The following PTGIR variants were observed in gnomAD, a reference collection of about 807,000 sequenced individuals.
The protein encoded by PTGIR is prostacyclin receptor.
A neutral mutation model predicts 17.6 loss-of-function variants in PTGIR; 16 were observed. The ratio of observed to expected loss-of-function variants is 0.91; its 90% CI spans 0.61 to 1.38. PTGIR has a LOEUF of 1.38. Among genes scored for constraint, PTGIR ranks in the 40% most tolerant of loss-of-function variants. The pLI is 0.00. For missense variants in PTGIR, 532 were observed against 548.6 expected, an observed-to-expected ratio of 0.97 and a Z score of 0.30; for synonymous variants, 274 against 255.4, an observed-to-expected ratio of 1.07 and a Z score of -0.69.
At chr19:46,611,863 G>C in the PTGIR span, among the ~76,000 whole-genome samples, 1 of 152,262 alleles carries the variant, frequency 6.6e-6, no homozygotes, top group African/African-American at 2.4e-5. Flanking sequence ...TTCTCACACA[G>C]GAGCTGGGCA....
At chr19:46,618,513 G>A (rs753837261), downstream of PTGIR, among the ~76,000 whole-genome samples, 1 of 151,008 alleles carries the variant, frequency 6.6e-6, no homozygotes, top group Admixed American at 6.6e-5. Context: ...TGCCCAGGCT[G>A]GTCTTGAACT....
rs1308401791 is a variant in PTGIR, at chr19:46,623,496, T to G, written c.730A>C (p.Met244Leu). The G allele has an allele frequency of 3.2e-6, 5 of 1,579,596 alleles. No individual in the cohort carries two copies. Among genetic ancestry groups the G allele is most frequent in the Non-Finnish European group, 4.3e-6 (5 of 1,162,016 alleles). The change falls in exon 2 of 3, where the codon ATG (methionine) becomes CTG (leucine). Residue 244 changes from methionine to leucine, a missense_variant. Physicochemically the swap from Met to Leu is conservative, Grantham distance 15 (BLOSUM62 2). Coordinates refer to ENST00000291294, the MANE Select transcript of PTGIR (RefSeq NM_000960.4). ...GAGCACACGGCCATGACCACTGTCA[T>G]GAGGGCCAGCAGGATCAGGTGGTCC... ...EVDHLILLALMTVVMAVCSLP... is the reference protein window; with the variant it reads ...EVDHLILLALLTVVMAVCSLP...
Position 46,624,354 on chromosome 19 carries a change from C to T in PTGIR, c.-12-117G>A, listed in dbSNP as rs533305493. On this transcript the variant is annotated intron_variant, in intron 1 of 2. Coordinates refer to ENST00000291294, the MANE Select transcript of PTGIR (RefSeq NM_000960.4). ...GCAGCTGGGGCCTCCCAGCCAACCC[C>T]CAGTTCTCCTGTGTGTGCGGGTATG... 9.5e-6 allele frequency: 9 copies of T among 951,878 alleles called. No homozygotes were observed. The East Asian group carries it at 2.7e-4, about 29-fold the overall frequency. 59.0% of individuals were successfully genotyped at this position (951,878 alleles called of 1,614,324 possible).
Position 46,621,821 on chromosome 19 carries a change from T to G in PTGIR, c.769-149A>C. The G allele has an allele frequency of 2.8e-6, 4 of 1,413,526 alleles. No homozygotes were observed. The highest frequency in any genetic ancestry group is 3.7e-6 in the Non-Finnish European group (4 of 1,085,190). The allele number at this position is 1,413,526 out of a possible 1,614,324, so 87.6% of individuals were successfully genotyped here. A position where few individuals can be genotyped will look rare whatever the true frequency, so the allele number is the denominator to read the frequency against. On this transcript the variant is annotated intron_variant, in intron 2 of 2. Coordinates refer to ENST00000291294, the MANE Select transcript of PTGIR (RefSeq NM_000960.4). This position sits in a 1 kb window ranked among gnomAD's most constrained non-coding sequence, Gnocchi z 4.8. ...AGATAAAGACTAAGTAACAAATGTA[T>G]CTGGGGAACACAGGGAGAGAAAGCC... is the stretch of plus-strand genomic sequence containing the variant.
downstream of PTGIR, among the ~76,000 whole-genome samples, chr19:46,618,077 T>C (rs9710392): frequency 0.14 from 20,945 of 144,876 alleles, 1,766 homozygotes; most frequent in African/African-American, 0.23. Flanking sequence ...CGCTGTGGCG[T>C]GATCTCGGCT....
chr19:46,613,912 A>G, the PTGIR span, among the ~76,000 whole-genome samples: 4 of 152,218 alleles, frequency 2.6e-5, no homozygotes, highest in Non-Finnish European at 5.9e-5. Context: ...TCAGCGGCCT[A>G]TAAGTAGTTT....
Position 46,620,881 on chromosome 19 carries a change from A to T in PTGIR, c.*399T>A, listed in dbSNP as rs1972050116. 1.0e-6 allele frequency: 1 copy of T among 993,226 alleles called. No homozygotes were observed. Among genetic ancestry groups the T allele is most frequent in the Non-Finnish European group, 1.2e-6 (1 of 835,450 alleles). The allele number at this position is 993,226 out of a possible 1,614,324, so 61.5% of individuals were successfully genotyped here. A position where few individuals can be genotyped will look rare whatever the true frequency, so the allele number is the denominator to read the frequency against. On this transcript the variant is annotated 3_prime_UTR_variant, in exon 3 of 3. Coordinates refer to ENST00000291294, the MANE Select transcript of PTGIR (RefSeq NM_000960.4). ...AGAGGGGGAGGGCCATCCCCTGGGG[A>T]CTTGGGGTGGGCAGTTGGGCCTCCT...
At position 46,623,788 on chromosome 19, in the gene PTGIR, G is replaced by A; in HGVS notation, c.438C>T (p.Phe146=). ...ARLALPAIYA[F]CVLFCALPLL... Reference sequence around the variant, plus strand: ...GGGGCAGCGCGCAGAAGAGGACGCAGAAGGCGTAGATGGCTGGCAGCGCCA... The same window carrying A: ...GGGGCAGCGCGCAGAAGAGGACGCAAAAGGCGTAGATGGCTGGCAGCGCCA... Residue 146 remains phenylalanine (F), a synonymous_variant, in exon 2 of 3, where the codon TTC becomes TTT. Coordinates refer to ENST00000291294, the MANE Select transcript of PTGIR (RefSeq NM_000960.4). The A allele has an allele frequency of 1.2e-6, 2 of 1,607,892 alleles. No individual in the cohort carries two copies. Among genetic ancestry groups the A allele is most frequent in the Non-Finnish European group, 1.7e-6 (2 of 1,178,506 alleles).
At chr19:46,613,323 A>G in the PTGIR span, among the ~76,000 whole-genome samples, 1 of 145,636 alleles carries the variant, frequency 6.9e-6, no homozygotes, top group East Asian at 2.1e-4. Context: ...GGGATGCCAA[A>G]CTCTCTCTCT....
the PTGIR span, among the ~76,000 whole-genome samples, chr19:46,613,162 G>A: frequency 1.4e-5 from 2 of 145,552 alleles, no homozygotes; most frequent in African/African-American, 5.1e-5. Flanking sequence ...TCCTGCCTCA[G>A]CCTCCCGAGT....
Position 46,621,736 on chromosome 19 carries a change from C to A in PTGIR, c.769-64G>T. ...TCCTCAGCCTCCCCACCCTGGCTCC[C>A]TCCTCCCACTTGCTTACCAGGGATG... On this transcript the variant is annotated intron_variant, in intron 2 of 2. Coordinates refer to ENST00000291294, the MANE Select transcript of PTGIR (RefSeq NM_000960.4). The surrounding 1 kb of genome is among the most constrained non-coding windows in gnomAD (Gnocchi z 4.8). The A allele has an allele frequency of 6.5e-7, 1 of 1,539,526 alleles. No homozygotes were observed. Among genetic ancestry groups the A allele is most frequent in the South Asian group, 1.3e-5 (1 of 79,970 alleles).
chr19:46,614,066 G>A, the PTGIR span, among the ~76,000 whole-genome samples: 1 of 152,174 alleles, frequency 6.6e-6, no homozygotes, highest in Non-Finnish European at 1.5e-5. Context: ...CAAGCGCTGA[G>A]GGGAGCCGGC....
the PTGIR span, among the ~76,000 whole-genome samples, chr19:46,610,965 T>C: frequency 6.6e-6 from 1 of 152,126 alleles, no homozygotes; most frequent in Non-Finnish European, 1.5e-5. Context: ...TGATCCCAGC[T>C]AGATCGCAGG....
downstream of PTGIR, chr19:46,620,380 G>A: frequency 1.0e-6 from 1 of 957,470 alleles, no homozygotes; most frequent in Middle Eastern, 5.4e-4. Flanking sequence ...GGGATTACAG[G>A]CATGTGCTAT....
chr19:46,619,521 G>GA (rs1245306539), downstream of PTGIR, among the ~76,000 whole-genome samples: 2 of 50,296 alleles, frequency 4.0e-5, no homozygotes, highest in Non-Finnish European at 7.4e-5. Context: ...AAGAAAGAAA[G>GA]AAAGAAAGAA....
rs1034862591 is a variant in PTGIR at position 46,624,372 on chromosome 19, C to T, written c.-12-135G>A. ...CCAACCCCCAGTTCTCCTGTGTGTG[C>T]GGGTATGCAGTCCTCTCCCCTCTGG... On this transcript the variant is annotated intron_variant, in intron 1 of 2. Coordinates refer to ENST00000291294, the MANE Select transcript of PTGIR (RefSeq NM_000960.4). The T allele has an allele frequency of 6.9e-5, 51 of 742,246 alleles. No individual in the cohort carries two copies. The South Asian group carries it at 8.8e-4, about 13-fold the overall frequency. The allele number at this position is 742,246 out of a possible 1,614,324, so 46.0% of individuals were successfully genotyped here.
At chr19:46,622,213 G>T in intron 2 of PTGIR, 1 of 985,426 alleles carries the variant, frequency 1.0e-6, no homozygotes, top group Non-Finnish European at 1.2e-6. Context: ...CACTCCCATT[G>T]GGGAGGGGCA....
chr19:46,615,135 GC>G, the PTGIR span, among the ~76,000 whole-genome samples: 1,063 of 152,322 alleles, frequency 7.0e-3, 26 homozygotes, highest in Non-Finnish European at 4.4e-3. Context: ...GTTGCAGTGA[GC>G]CGAGATTGTG....
chr19:46,621,433 G>A lies in PTGIR; in HGVS notation c.1008C>T (p.Pro336=). The change falls in exon 3 of 3, where the codon CCC becomes CCT. Residue 336 remains proline (P), a synonymous_variant. Transcript: ENST00000291294. This position sits in a 1 kb window ranked among gnomAD's most constrained non-coding sequence, Gnocchi z 4.8. ...TCCCCTCCTTTCCCACAGGAGCAGA[G>A]GGGGCCCTTGGGTCCCTCCTCCCTG... is the stretch of plus-strand genomic sequence containing the variant. ...LASGRRDPRA[P]SAPVGKEGSC... is the part of the protein sequence containing the mutation. The A allele has an allele frequency of 6.2e-7, 1 of 1,613,268 alleles. No homozygotes were observed. The highest frequency in any genetic ancestry group is 8.5e-7 in the Non-Finnish European group (1 of 1,179,382).
Sources: allele counts gnomAD v4.1 joint callset (sites outside exome capture counted in the v4.1 genomes callset), GRCh38; gene constraint gnomAD v4.1.1; non-coding constraint Gnocchi (gnomAD v3.1); transcripts MANE v1.5; gene names NCBI Gene and HGNC (gene_info 2026-07-23, HGNC 2026-07-21).